The following TLE4 variants were observed in gnomAD, a reference collection of about 807,000 sequenced individuals.
TLE4 encodes the protein TLE family member 4, transcriptional corepressor, also known as transducin-like enhancer protein 4.
Under a neutral mutation model 92.8 loss-of-function variants are expected in TLE4, and 8 were observed. The ratio of observed to expected loss-of-function variants is 0.09; its 90% confidence interval spans 0.05 to 0.16. TLE4 has a LOEUF of 0.16. TLE4 is among the 10% of genes least tolerant of loss of function. The pLI is 1.00. For missense variants in TLE4, 675 were observed against 997.6 expected, an observed-to-expected ratio of 0.68 and a Z score of 4.36; for synonymous variants, 371 against 374.1, an observed-to-expected ratio of 0.99 and a Z score of 0.10.
chr9:79,642,215 A>G (rs1019053602), intron 6 of TLE4, among the ~76,000 whole-genome samples: 1 of 152,016 alleles, frequency 6.6e-6, no homozygotes, highest in Non-Finnish European at 1.5e-5. Context: ...TAGGCTTTTT[A>G]AATGCTGCTT....
At chr9:79,719,468 C>T (rs570734375) in intron 15 of TLE4, among the ~76,000 whole-genome samples, 21 of 152,234 alleles carry the variant, frequency 1.4e-4, no homozygotes, top group African/African-American at 3.9e-4. Context: ...ATAAGATTCC[C>T]GTAACCTCAT....
At chr9:79,712,063 C>G in intron 14 of TLE4, among the ~76,000 whole-genome samples, 1 of 152,148 alleles carries the variant, frequency 6.6e-6, no homozygotes, top group East Asian at 1.9e-4. Flanking sequence ...GGGATGGCCC[C>G]TCCTCAACAA....
intron 4 of TLE4, among the ~76,000 whole-genome samples, chr9:79,578,937 T>C (rs7852171): frequency 0.15 from 21,208 of 141,422 alleles, 1,685 homozygotes; most frequent in African/African-American, 0.21. Context: ...GCTAAGCAGA[T>C]GAAGCAAAAA....
rs562910936 is a variant in TLE4 at position 79,583,629 on chromosome 9, C to CATT, written c.252+7471_252+7473dup. ...CATTTCTTAGCAGGCTTATTTAACT[C>CATT]ATTATTATTATTATTATTATTGTAA... is the stretch of plus-strand genomic sequence containing the variant. On this transcript the variant is annotated intron_variant, in intron 4 of 19. Transcript: ENST00000376552. Among the ~76,000 whole-genome samples the CATT allele has an allele frequency of 2.5e-3, 380 of 151,692 alleles. 2 individuals are homozygous for CATT. Among genetic ancestry groups the CATT allele is most frequent in the African/African-American group, 7.5e-3 (312 of 41,370 alleles).
rs1249553945 is a variant in TLE4, at chr9:79,726,141, G to A, written c.*997G>A. 6.6e-6 allele frequency: 1 copy of A among 152,594 alleles called. No individual in the cohort carries two copies. The highest frequency in any genetic ancestry group is 2.4e-5 in the African/African-American group (1 of 41,440). 9.5% of individuals were successfully genotyped at this position (152,594 alleles called of 1,614,324 possible). On this transcript the variant is annotated 3_prime_UTR_variant, in exon 20 of 20. Transcript: ENST00000376552. Reference sequence around the variant, plus strand: ...AGGACAGCAGAGGAGGGTTTGCAGAGACCTCCCTCTGAAAAACACAAAGAA... The same window carrying A: ...AGGACAGCAGAGGAGGGTTTGCAGAAACCTCCCTCTGAAAAACACAAAGAA...
chr9:79,617,519 G>T (rs1038791679), intron 5 of TLE4, among the ~76,000 whole-genome samples: 2 of 152,090 alleles, frequency 1.3e-5, no homozygotes, highest in Non-Finnish European at 2.9e-5. Flanking sequence ...ATTCTCCAGG[G>T]TACAGTTGTA....
chr9:79,647,151 T>G (rs532719446), intron 6 of TLE4, among the ~76,000 whole-genome samples: 1 of 152,326 alleles, frequency 6.6e-6, no homozygotes, highest in East Asian at 1.9e-4. Context: ...GTCTCTAGTT[T>G]GGTGAATAGC....
intron 8 of TLE4, among the ~76,000 whole-genome samples, chr9:79,660,626 G>A (rs1274374474): frequency 6.6e-6 from 1 of 152,198 alleles, no homozygotes; most frequent in East Asian, 1.9e-4. Context: ...TCAAGGAACA[G>A]TTAAGAAGTT....
chr9:79,650,090 G>C (rs1333121371), intron 6 of TLE4, among the ~76,000 whole-genome samples: 2 of 151,584 alleles, frequency 1.3e-5, no homozygotes, highest in Non-Finnish European at 2.9e-5. Context: ...TAATTTTTGT[G>C]TTTTTAGTAG....
At chr9:79,688,229 C>G (rs528153312) in intron 8 of TLE4, among the ~76,000 whole-genome samples, 23 of 152,272 alleles carry the variant, frequency 1.5e-4, no homozygotes, top group African/African-American at 5.1e-4. Context: ...GCCTTCTCCC[C>G]TTCAACCCCC....
intron 4 of TLE4, among the ~76,000 whole-genome samples, chr9:79,606,373 GT>G (rs60527671): frequency 0.42 from 47,282 of 113,546 alleles, 10,639 homozygotes; most frequent in African/African-American, 0.65. Context: ...GTGTGTGTGT[GT>G]TTTTTTTTTT....
chr9:79,715,299 T>A (rs1272418335), intron 14 of TLE4, among the ~76,000 whole-genome samples: 1 of 152,192 alleles, frequency 6.6e-6, no homozygotes, highest in Non-Finnish European at 1.5e-5. Flanking sequence ...AATCTTTCTT[T>A]CTCTTCCTTT....
intron 8 of TLE4, among the ~76,000 whole-genome samples, chr9:79,675,547 A>T (rs1202525361): frequency 1.3e-5 from 2 of 152,184 alleles, no homozygotes; most frequent in Non-Finnish European, 2.9e-5. Context: ...AATTTCATTT[A>T]TTCTTCATTT....
intron 8 of TLE4, among the ~76,000 whole-genome samples, chr9:79,658,694 C>T (rs1466750593): frequency 6.6e-6 from 1 of 152,204 alleles, no homozygotes; most frequent in East Asian, 1.9e-4. Context: ...TTACTTCATA[C>T]ACCCCTTTAA....
chr9:79,577,863 C>T (rs959546379), intron 4 of TLE4, among the ~76,000 whole-genome samples: 2 of 152,058 alleles, frequency 1.3e-5, no homozygotes, highest in Admixed American at 6.5e-5. Context: ...ATTTCTTTTT[C>T]GAGGGGGTAT....
chr9:79,600,314 G>A (rs1399883799), intron 4 of TLE4, among the ~76,000 whole-genome samples: 1 of 152,102 alleles, frequency 6.6e-6, no homozygotes, highest in East Asian at 1.9e-4. Flanking sequence ...TAGGGAAAAT[G>A]CTGTTATTTT....
intron 6 of TLE4, among the ~76,000 whole-genome samples, chr9:79,643,698 G>C (rs1204824435): frequency 6.6e-6 from 1 of 152,100 alleles, no homozygotes; most frequent in African/African-American, 2.4e-5. Flanking sequence ...ATTTCCAGTT[G>C]TATCATATTA....
At chr9:79,577,670 C>CT (rs1184791752) in intron 4 of TLE4, among the ~76,000 whole-genome samples, 1 of 152,024 alleles carries the variant, frequency 6.6e-6, no homozygotes, top group South Asian at 2.1e-4. Context: ...GTGTATGTCT[C>CT]TTTTTTTGTC....
chr9:79,573,969 A>G (rs780816771), intron 2 of TLE4, 183 bp downstream of exon 2: 2 of 400,088 alleles, frequency 5.0e-6, no homozygotes, highest in Non-Finnish European at 8.9e-6. Flanking sequence ...AATAAATTAA[A>G]CATTTCTTCT....
Sources: gnomAD v4.1 joint callset for allele counts (sites outside exome capture counted in the v4.1 genomes callset) on GRCh38, gnomAD v4.1.1 for gene constraint, MANE v1.5 for transcripts, NCBI Gene and HGNC (gene_info 2026-07-23, HGNC 2026-07-21) for gene names.